CALN1: variants seen among roughly 807,000 people sequenced by gnomAD.
CALN1 encodes the protein calneuron 1.
A neutral mutation model predicts 30.6 loss-of-function variants in CALN1; 17 were observed. That is an observed-to-expected ratio of 0.56 (90% CI 0.38 to 0.83). The LOEUF is 0.83. CALN1 is among the 40% of genes least tolerant of loss of function. The pLI, the probability that CALN1 is intolerant of heterozygous loss-of-function variation, is 0.00. For missense variants in CALN1, 291 were observed against 354.9 expected (o/e 0.82, Z 1.45); for synonymous variants, 156 against 131.4 (o/e 1.19, Z -1.28).
chr7:71,851,026 A>G (rs1358792881), intron 5 of CALN1, among the ~76,000 whole-genome samples: 1 of 152,124 alleles, frequency 6.6e-6, no homozygotes, highest in Non-Finnish European at 1.5e-5. Flanking sequence ...CAGCCTGGGC[A>G]ACATAGCCAG....
chr7:72,401,466 G>A (rs1383369962), intron 2 of CALN1, among the ~76,000 whole-genome samples: 1 of 150,140 alleles, frequency 6.7e-6, no homozygotes, highest in Non-Finnish European at 1.5e-5. Context: ...AACAAAAACA[G>A]AAACATGTTC....
chr7:72,065,134 TTATATTTTAAAATATTAATA>T, intron 4 of CALN1, among the ~76,000 whole-genome samples: 1 of 148,432 alleles, frequency 6.7e-6, no homozygotes, highest in East Asian at 1.9e-4. Context: ...TAAAATATAT[TTATATTTTAAAATATTAATA>T]TTAAAATATT....
At chr7:71,954,129 A>T (rs937320406) in intron 5 of CALN1, among the ~76,000 whole-genome samples, 1 of 151,718 alleles carries the variant, frequency 6.6e-6, no homozygotes, top group Non-Finnish European at 1.5e-5. Flanking sequence ...TTTGAGGCCA[A>T]CGTGGGCAAC....
chr7:72,162,751 C>A (rs2129544929), intron 3 of CALN1, among the ~76,000 whole-genome samples: 1 of 152,074 alleles, frequency 6.6e-6, no homozygotes, highest in South Asian at 2.1e-4. Context: ...AACAAAAAAA[C>A]AAAAACAAAG....
chr7:72,029,928 G>C (rs963045515), intron 4 of CALN1, among the ~76,000 whole-genome samples: 1 of 152,220 alleles, frequency 6.6e-6, no homozygotes, highest in Non-Finnish European at 1.5e-5. Context: ...AGCACAGGTG[G>C]CCACGTGGAC....
chr7:72,098,387 T>G lies in CALN1; in HGVS notation c.388+7764A>C, dbSNP rs549974220. On this transcript the variant is annotated intron_variant, in intron 4 of 6. Transcript: ENST00000395275. The stretch of plus-strand genomic sequence containing the variant: ...GAGACCCCAGGCACTGGGCAGAAGT[T>G]TGGGCTTTTTGTTTATTTAACTCTG... Among the ~76,000 whole-genome samples the G allele has an allele frequency of 4.4e-4, 67 of 152,142 alleles. 1 individual carries two copies. In the South Asian group the frequency reaches 0.014, roughly 31 times the overall value.
intron 3 of CALN1, among the ~76,000 whole-genome samples, chr7:72,143,001 T>C (rs1021487306): frequency 2.0e-5 from 3 of 151,844 alleles, no homozygotes; most frequent in African/African-American, 7.3e-5. Flanking sequence ...AGACCAAAGG[T>C]AGATAAAACC....
At chr7:71,815,717 C>A (rs1293525581) in intron 5 of CALN1, among the ~76,000 whole-genome samples, 1 of 151,452 alleles carries the variant, frequency 6.6e-6, no homozygotes, top group Non-Finnish European at 1.5e-5. Context: ...TCCCTTCCAT[C>A]CTTCCTTTCT....
chr7:71,979,693 G>A (rs59092836), intron 5 of CALN1, among the ~76,000 whole-genome samples: 1,972 of 152,088 alleles, frequency 0.013, 46 homozygotes, highest in African/African-American at 0.043. Flanking sequence ...TGCTCTATGG[G>A]AACTGGGGCT....
At chr7:72,241,430 G>A (rs1194951280) in intron 3 of CALN1, among the ~76,000 whole-genome samples, 1 of 152,126 alleles carries the variant, frequency 6.6e-6, no homozygotes, top group African/African-American at 2.4e-5. Flanking sequence ...GTTCAGACCG[G>A]GTGCAGGGGC....
the CALN1 span, among the ~76,000 whole-genome samples, chr7:72,471,869 T>C: frequency 6.6e-6 from 1 of 152,134 alleles, no homozygotes; most frequent in African/African-American, 2.4e-5. Context: ...GGCATGATTA[T>C]AGTTCACTGC....
intron 4 of CALN1, among the ~76,000 whole-genome samples, chr7:72,076,375 GATCACTT>G: frequency 6.6e-6 from 1 of 151,416 alleles, no homozygotes; most frequent in South Asian, 2.1e-4. Flanking sequence ...GAGGCGAGCA[GATCACTT>G]GAGGTCGGGA....
At chr7:72,328,480 C>G (rs970732847) in intron 2 of CALN1, among the ~76,000 whole-genome samples, 1 of 152,212 alleles carries the variant, frequency 6.6e-6, no homozygotes, top group African/African-American at 2.4e-5. Flanking sequence ...ACTGTGAGTG[C>G]ATCAAGCCTC....
At chr7:71,897,972 C>CAA (rs1207497270) in intron 5 of CALN1, among the ~76,000 whole-genome samples, 34 of 59,026 alleles carry the variant, frequency 5.8e-4, no homozygotes, top group Non-Finnish European at 8.2e-4. Context: ...AAACAAAAAA[C>CAA]AAAAAAAAAA....
the CALN1 span, among the ~76,000 whole-genome samples, chr7:72,485,222 C>T: frequency 6.6e-6 from 1 of 151,942 alleles, no homozygotes; most frequent in Non-Finnish European, 1.5e-5. Context: ...GCCACTGTAC[C>T]CCAGCCTGGG....
intron 2 of CALN1, among the ~76,000 whole-genome samples, chr7:72,336,356 C>G (rs901436613): frequency 2.0e-5 from 3 of 152,124 alleles, no homozygotes; most frequent in Admixed American, 6.5e-5. Flanking sequence ...CTGGTGGCCA[C>G]TGGCGCCTGG....
chr7:72,051,093 G>C (rs1802808272), intron 4 of CALN1, among the ~76,000 whole-genome samples: 1 of 151,544 alleles, frequency 6.6e-6, no homozygotes. Flanking sequence ...CTTTAGAAAA[G>C]TTAGACTTAA....
chr7:72,408,470 TAAAGAC>T (rs1413942515), intron 1 of CALN1, among the ~76,000 whole-genome samples: 7 of 151,340 alleles, frequency 4.6e-5, no homozygotes, highest in African/African-American at 1.5e-4. Flanking sequence ...ACAGAGATAA[TAAAGAC>T]AAAGACTCTC....
intron 4 of CALN1, among the ~76,000 whole-genome samples, chr7:72,091,804 C>T (rs1805883202): frequency 6.6e-6 from 1 of 152,100 alleles, no homozygotes; most frequent in South Asian, 2.1e-4. Flanking sequence ...TCTAGTCTTG[C>T]CAAATTCTCC....
Sources: allele counts gnomAD v4.1 joint callset (sites outside exome capture counted in the v4.1 genomes callset), GRCh38; gene constraint gnomAD v4.1.1; transcripts MANE v1.5; gene names NCBI Gene and HGNC (gene_info 2026-07-23, HGNC 2026-07-21).